Variants in RYR3 observed in about 807,000 individuals in gnomAD.
RYR3 encodes the protein ryanodine receptor 3, also known as brain ryanodine receptor-calcium release channel.
A neutral mutation model predicts 584.3 loss-of-function variants in RYR3; 207 were observed. The observed-to-expected ratio is 0.35, with a 90% CI of 0.32 to 0.40. The LOEUF is 0.40. Among genes scored for constraint, RYR3 ranks in the 10% least tolerant of loss-of-function variants. The probability of loss-of-function intolerance (pLI) is 1.00; values close to 1 mark genes in which losing one functional copy is unlikely to be tolerated. For synonymous variants in RYR3, 2,416 were observed against 2,248.5 expected (o/e 1.07, Z -2.11); for missense variants, 5,616 against 6,089.2 (o/e 0.92, Z 2.59).
chr15:33,544,826 T>C (rs2056115693), intron 8 of RYR3, among the ~76,000 whole-genome samples: 1 of 152,084 alleles, frequency 6.6e-6, no homozygotes, highest in South Asian at 2.1e-4. Flanking sequence ...AGTGCTGTGC[T>C]TAATTCACTT....
At chr15:33,601,338 C>G in intron 16 of RYR3, 81 bp from the exon 17 acceptor site, 381 of 1,392,776 alleles carry the variant, frequency 2.7e-4, no homozygotes, top group Non-Finnish European at 3.6e-4. Flanking sequence ...TTTATGGACT[C>G]CTTCCCTCAT....
chr15:33,632,771 T>C (rs1226821579), intron 23 of RYR3, among the ~76,000 whole-genome samples, 178 bp from the exon 24 acceptor site: 2 of 152,320 alleles, frequency 1.3e-5, no homozygotes, highest in Non-Finnish European at 2.9e-5. Context: ...GGATGGTAGA[T>C]TGGGGGCTTC....
chr15:33,550,529 G>A (rs2056603015), intron 10 of RYR3, among the ~76,000 whole-genome samples: 1 of 152,220 alleles, frequency 6.6e-6, no homozygotes, highest in Non-Finnish European at 1.5e-5. Context: ...TGAGCAAAAG[G>A]AGAGTGTGGA....
At chr15:33,640,746 A>G (rs2061761163) in intron 27 of RYR3, among the ~76,000 whole-genome samples, 1 of 152,224 alleles carries the variant, frequency 6.6e-6, no homozygotes, top group African/African-American at 2.4e-5. Context: ...TCCTGGGACA[A>G]GAACTTCTGT....
chr15:33,764,504 T>C (rs930068689), intron 60 of RYR3, among the ~76,000 whole-genome samples: 3 of 151,314 alleles, frequency 2.0e-5, no homozygotes, highest in Non-Finnish European at 2.9e-5. Context: ...TGCAGCAAAC[T>C]ACCATGGCGC....
chr15:33,730,909 A>G (rs552950453), intron 47 of RYR3, among the ~76,000 whole-genome samples: 3 of 152,326 alleles, frequency 2.0e-5, no homozygotes, highest in African/African-American at 7.2e-5. Flanking sequence ...GTCAGTATTG[A>G]TTGTGAATTG....
chr15:33,425,620 C>T (rs1261590324), intron 1 of RYR3, among the ~76,000 whole-genome samples: 2 of 149,606 alleles, frequency 1.3e-5, no homozygotes, highest in Middle Eastern at 3.2e-3. Context: ...GAAGCTTCTA[C>T]TAGGTTGAGA....
At chr15:33,514,082 A>G (rs1307161916) in intron 3 of RYR3, among the ~76,000 whole-genome samples, 1 of 152,176 alleles carries the variant, frequency 6.6e-6, no homozygotes, top group African/African-American at 2.4e-5. Flanking sequence ...GTTCTTACTG[A>G]AACCCGGATA....
intron 38 of RYR3, among the ~76,000 whole-genome samples, chr15:33,679,115 A>G: frequency 6.6e-6 from 1 of 152,042 alleles, no homozygotes; most frequent in Non-Finnish European, 1.5e-5. Flanking sequence ...GGCCTAGAGG[A>G]TGCTCTAGGG....
chr15:33,604,766 T>C (rs912340196), intron 18 of RYR3, among the ~76,000 whole-genome samples: 1 of 152,232 alleles, frequency 6.6e-6, no homozygotes, highest in African/African-American at 2.4e-5. Flanking sequence ...ACTGAGTCTG[T>C]GGCTATGAAG....
At chr15:33,497,679 T>G (rs2142631894) in intron 2 of RYR3, among the ~76,000 whole-genome samples, 1 of 152,346 alleles carries the variant, frequency 6.6e-6, no homozygotes, top group South Asian at 2.1e-4. Flanking sequence ...TCAGGCTAAT[T>G]AGCACATCTA....
intron 67 of RYR3, among the ~76,000 whole-genome samples, chr15:33,796,724 A>G (rs1391690210): frequency 6.6e-6 from 1 of 152,238 alleles, no homozygotes; most frequent in African/African-American, 2.4e-5. Context: ...TAGACCTACT[A>G]TTCAATCCAG....
intron 1 of RYR3, among the ~76,000 whole-genome samples, chr15:33,312,616 G>A (rs979026880): frequency 8.5e-5 from 13 of 152,160 alleles, no homozygotes; most frequent in Non-Finnish European, 7.3e-5. Context: ...AGTAGTGGAT[G>A]GGTGGCAGCT....
chr15:33,612,864 C>T (rs542308007), intron 18 of RYR3, among the ~76,000 whole-genome samples: 1 of 152,170 alleles, frequency 6.6e-6, no homozygotes, highest in Admixed American at 6.5e-5. Context: ...ACTTCAGACA[C>T]CAGGCCACAG....
At chr15:33,633,242 C>A in intron 24 of RYR3, 134 bp downstream of exon 24, 2 of 807,898 alleles carry the variant, frequency 2.5e-6, no homozygotes, top group Non-Finnish European at 3.8e-6. Flanking sequence ...TCAGTGTGTT[C>A]ATTATTTATG....
chr15:33,854,318 T>G (rs2153000222), intron 96 of RYR3, 71 bp from the exon 97 acceptor site: 1 of 1,324,960 alleles, frequency 7.5e-7, no homozygotes, highest in Middle Eastern at 1.8e-4. Context: ...AAAACTTACT[T>G]TTTCCCCCTT....
intron 25 of RYR3, among the ~76,000 whole-genome samples, chr15:33,635,267 T>C (rs1296596218): frequency 6.6e-6 from 1 of 152,342 alleles, no homozygotes; most frequent in East Asian, 1.9e-4. Flanking sequence ...TGCTCCTCTG[T>C]TCATGGGCTC....
intron 87 of RYR3, among the ~76,000 whole-genome samples, chr15:33,836,269 C>G (rs1041640764): frequency 6.6e-6 from 1 of 151,332 alleles, no homozygotes; most frequent in South Asian, 2.1e-4. Flanking sequence ...TTGCCCACCT[C>G]AGATCTTCCA....
At chr15:33,440,655 A>T (rs2046143393) in intron 1 of RYR3, among the ~76,000 whole-genome samples, 1 of 152,198 alleles carries the variant, frequency 6.6e-6, no homozygotes, top group South Asian at 2.1e-4. Context: ...TGATTCTCCA[A>T]CGTGGAATTT....
Sources: gnomAD v4.1 joint callset for allele counts (sites outside exome capture counted in the v4.1 genomes callset) on GRCh38, gnomAD v4.1.1 for gene constraint, MANE v1.5 for transcripts, NCBI Gene and HGNC (gene_info 2026-07-23, HGNC 2026-07-21) for gene names.